The following TSPAN16 variants were observed in gnomAD, a reference collection of about 807,000 sequenced individuals.
TSPAN16 encodes the protein tetraspanin 16, also known as tetraspanin-16.
In TSPAN16, 23 loss-of-function variants were observed where a neutral mutation model predicts 25.2. That is an observed-to-expected ratio of 0.91 (90% CI 0.66 to 1.29). The LOEUF is 1.29. Ranked by LOEUF, TSPAN16 falls within the 50% of genes most tolerant of loss-of-function variation. The pLI, the probability that TSPAN16 is intolerant of heterozygous loss-of-function variation, is 0.00. For synonymous variants in TSPAN16, 123 were observed against 124.4 expected, an observed-to-expected ratio of 0.99 and a Z score of 0.08; for missense variants, 272 against 299.9, an observed-to-expected ratio of 0.91 and a Z score of 0.69.
chr19:11,298,387 CA>C (rs1317896804), intron 2 of TSPAN16, 48 bp downstream of exon 2: 13 of 1,563,962 alleles, frequency 8.3e-6, no homozygotes, highest in Non-Finnish European at 1.1e-5. Flanking sequence ...CCCACACACA[CA>C]AATCTTTTAT....
intron 5 of TSPAN16, among the ~76,000 whole-genome samples, chr19:11,307,101 C>A (rs1348423061): frequency 1.3e-5 from 2 of 150,930 alleles, no homozygotes; most frequent in Non-Finnish European, 2.9e-5. Flanking sequence ...AGCTACTGTA[C>A]CCAGCCTTTT....
downstream of TSPAN16, among the ~76,000 whole-genome samples, chr19:11,319,755 C>A (rs149820644): frequency 4.6e-5 from 7 of 152,232 alleles, no homozygotes; most frequent in East Asian, 1.4e-3. Flanking sequence ...CTTCCAGCAC[C>A]TCCATGTGTT....
intron 1 of TSPAN16, 130 bp downstream of exon 1, chr19:11,296,496 T>C: frequency 4.4e-6 from 4 of 917,626 alleles, no homozygotes; most frequent in Non-Finnish European, 6.8e-6. Flanking sequence ...GCAGGAGGGA[T>C]GTAGGGCAGA....
intron 5 of TSPAN16, chr19:11,307,860 A>C (rs2080646614): frequency 6.6e-6 from 1 of 152,272 alleles, no homozygotes; most frequent in South Asian, 2.1e-4. Flanking sequence ...ACCTTCTCTC[A>C]GAAACTGAGG....
At chr19:11,301,939 T>C (rs1355188185) in intron 4 of TSPAN16, among the ~76,000 whole-genome samples, 1 of 151,224 alleles carries the variant, frequency 6.6e-6, no homozygotes, top group Non-Finnish European at 1.5e-5. Context: ...TTCTCCTGTC[T>C]TAGCCTCCCA....
At chr19:11,319,014 C>T (rs2080762944), downstream of TSPAN16, among the ~76,000 whole-genome samples, 1 of 152,226 alleles carries the variant, frequency 6.6e-6, no homozygotes, top group African/African-American at 2.4e-5. Context: ...AAGTAATTCT[C>T]CAATTCTCTG....
intron 4 of TSPAN16, among the ~76,000 whole-genome samples, chr19:11,303,818 C>T (rs978575823): frequency 6.6e-6 from 1 of 151,486 alleles, no homozygotes; most frequent in African/African-American, 2.4e-5. Context: ...GAGTCTCACT[C>T]TGTCACCCAA....
At chr19:11,322,227 A>T (rs1004413095) in intron 6 of TSPAN16, 1 of 152,172 alleles carries the variant, frequency 6.6e-6, no homozygotes, top group African/African-American at 2.4e-5. Flanking sequence ...AGGAGCCGGT[A>T]GCAGAATTAT....
chr19:11,321,690 G>C (rs1406185754), intron 6 of TSPAN16, among the ~76,000 whole-genome samples: 2 of 152,128 alleles, frequency 1.3e-5, no homozygotes, highest in African/African-American at 4.8e-5. Flanking sequence ...GGAAGGGATG[G>C]ATCAGATCAT....
intron 5 of TSPAN16, 75 bp from the exon 6 acceptor site, chr19:11,312,064 A>T: frequency 9.0e-7 from 1 of 1,116,994 alleles, no homozygotes; most frequent in Non-Finnish European, 1.3e-6. Flanking sequence ...TGGCCTAATG[A>T]GTTGGGGTTG....
downstream of TSPAN16, among the ~76,000 whole-genome samples, chr19:11,320,536 G>A (rs950014211): frequency 6.6e-6 from 1 of 152,076 alleles, no homozygotes; most frequent in East Asian, 1.9e-4. Context: ...AGCTGGATGT[G>A]GTGGTGCTTG....
At chr19:11,319,475 T>C (rs1344352874), downstream of TSPAN16, among the ~76,000 whole-genome samples, 1 of 152,070 alleles carries the variant, frequency 6.6e-6, no homozygotes, top group Admixed American at 6.6e-5. Context: ...GCACACGCCC[T>C]GTAATCCCAG....
chr19:11,308,935 T>A (rs971892636), intron 5 of TSPAN16, among the ~76,000 whole-genome samples: 1 of 152,044 alleles, frequency 6.6e-6, no homozygotes, highest in Non-Finnish European at 1.5e-5. Flanking sequence ...ATTAGCTGAG[T>A]GTGGTGACAC....
intron 4 of TSPAN16, among the ~76,000 whole-genome samples, chr19:11,302,667 A>ATATTATT (rs1555703600): frequency 1.6e-5 from 2 of 124,822 alleles, no homozygotes; most frequent in African/African-American, 8.1e-5. Flanking sequence ...ATACATATAT[A>ATATTATT]TATATATATA....
chr19:11,299,624 T>C (rs2080520637), intron 3 of TSPAN16, among the ~76,000 whole-genome samples: 1 of 152,198 alleles, frequency 6.6e-6, no homozygotes, highest in African/African-American at 2.4e-5. Context: ...CTCTGGGAAT[T>C]ATTCAAGAAC....
chr19:11,298,739 T>C, intron 2 of TSPAN16, 133 bp from the exon 3 acceptor site: 1 of 823,042 alleles, frequency 1.2e-6, no homozygotes, highest in Non-Finnish European at 2.1e-6. Context: ...GGTCGAATTG[T>C]TTTAAACTGG....
chr19:11,303,135 G>T (rs1486467085), intron 4 of TSPAN16, among the ~76,000 whole-genome samples: 1 of 149,608 alleles, frequency 6.7e-6, no homozygotes, highest in East Asian at 1.9e-4. Flanking sequence ...GTGGGGAAAA[G>T]ATTGAGAAAT....
At chr19:11,310,653 G>A (rs143334977) in intron 5 of TSPAN16, among the ~76,000 whole-genome samples, 58 of 152,222 alleles carry the variant, frequency 3.8e-4, no homozygotes, top group African/African-American at 1.3e-3. Flanking sequence ...GAGGAAAGAA[G>A]AGTACCCAAA....
intron 6 of TSPAN16, chr19:11,324,676 C>T (rs553222406): frequency 6.5e-6 from 1 of 152,744 alleles, no homozygotes; most frequent in South Asian, 2.1e-4. Flanking sequence ...GTGGTGAACA[C>T]AGCAAAAACA....
Sources: allele counts gnomAD v4.1 joint callset (sites outside exome capture counted in the v4.1 genomes callset), GRCh38; gene constraint gnomAD v4.1.1; transcripts MANE v1.5; gene names NCBI Gene and HGNC (gene_info 2026-07-23, HGNC 2026-07-21).